Variants in SYTL2 observed in about 807,000 individuals in gnomAD.
The protein encoded by SYTL2 is synaptotagmin-like protein 2.
A neutral mutation model predicts 198.7 loss-of-function variants in SYTL2; 165 were observed. The observed-to-expected ratio is 0.83, with a 90% CI of 0.73 to 0.94. The LOEUF is 0.94. Among genes scored for constraint, SYTL2 ranks in the 40% least tolerant of loss-of-function variants. The pLI is 0.00. For synonymous variants in SYTL2, 966 were observed against 917.7 expected (o/e 1.05, Z -0.95); for missense variants, 2,835 against 2,582.8 (o/e 1.10, Z -2.12).
At chr11:85,814,426 C>G (rs1403078659), upstream of SYTL2, among the ~76,000 whole-genome samples, 2 of 152,196 alleles carry the variant, frequency 1.3e-5, no homozygotes, top group Non-Finnish European at 2.9e-5. Context: ...TCTGTGAAAA[C>G]TAACTGGGAC....
At position 85,737,596 on chromosome 11, in the gene SYTL2, T is replaced by A. The variant is rs1302855297; in HGVS notation, c.450A>T (p.Lys150Asn). ...CTACCTTCTCTGGAGACACATTTGG[T>A]TTCCTTGTGTTTTCCTGGGACATAT... ...VIDMSQENTR[K>N]PNVSPEKQRK... Residue 150 changes from lysine to asparagine, a missense_variant, in exon 5 of 20, where the codon AAA becomes AAT. Coordinates refer to ENST00000359152, the MANE Select transcript of SYTL2 (RefSeq NM_206927.4). 3.1e-6 allele frequency: 5 copies of A among 1,613,914 alleles called. No individual in the cohort carries two copies. The South Asian group carries it at 3.3e-5, about 11-fold the overall frequency.
the SYTL2 span, among the ~76,000 whole-genome samples, chr11:85,851,925 G>A: frequency 6.6e-6 from 1 of 152,340 alleles, no homozygotes; most frequent in South Asian, 2.1e-4. Context: ...CAGGTTAACA[G>A]AAGAACATTT....
chr11:85,779,073 T>A (rs2092511725), intron 1 of SYTL2, among the ~76,000 whole-genome samples: 1 of 152,078 alleles, frequency 6.6e-6, no homozygotes, highest in African/African-American at 2.4e-5. Context: ...TATACATCTA[T>A]ATACATAAAA....
At chr11:85,773,334 A>C (rs2092393502) in intron 1 of SYTL2, among the ~76,000 whole-genome samples, 1 of 152,206 alleles carries the variant, frequency 6.6e-6, no homozygotes, top group African/African-American at 2.4e-5. Flanking sequence ...AGTACCTTGA[A>C]GTTAGTTCTT....
intron 1 of SYTL2, among the ~76,000 whole-genome samples, chr11:85,763,068 C>T (rs1461198295): frequency 6.6e-6 from 1 of 152,200 alleles, no homozygotes; most frequent in Non-Finnish European, 1.5e-5. Context: ...CAATGGGTTC[C>T]AGCTCCAGAT....
chr11:85,719,338 T>C (rs551897434), intron 9 of SYTL2: 11 of 1,151,184 alleles, frequency 9.6e-6, no homozygotes, highest in South Asian at 3.7e-5. Flanking sequence ...GGCAGGCTAG[T>C]GTGAGAGTGG....
intron 1 of SYTL2, among the ~76,000 whole-genome samples, chr11:85,805,624 T>C (rs563404483): frequency 2.0e-5 from 3 of 152,278 alleles, no homozygotes; most frequent in African/African-American, 7.2e-5. Context: ...CCGGGAGGGA[T>C]GGCAGCACAA....
chr11:85,698,441 C>G (rs1182605785), intron 17 of SYTL2, among the ~76,000 whole-genome samples: 1 of 152,126 alleles, frequency 6.6e-6, no homozygotes, highest in Admixed American at 6.5e-5. Flanking sequence ...AACATTAATA[C>G]CAGTATCAGT....
At chr11:85,795,872 C>G (rs2092796913) in intron 1 of SYTL2, among the ~76,000 whole-genome samples, 1 of 151,952 alleles carries the variant, frequency 6.6e-6, no homozygotes, top group Non-Finnish European at 1.5e-5. Flanking sequence ...GCTGGGAAGG[C>G]TGCCACTCTG....
In SYTL2 at chr11:85,709,377, A is replaced by G. The variant is rs143868501; in HGVS notation, c.5869T>C (p.Cys1957Arg). The G allele has an allele frequency of 5.3e-5, 86 of 1,613,960 alleles. No individual in the cohort carries two copies. Among genetic ancestry groups the G allele is most frequent in the Non-Finnish European group, 5.9e-6 (7 of 1,180,036 alleles). ...LKELHVFVAQ[C>R]KDLAAADVKK... ...ACATCCGCTGCTGCTAAGTCCTTAC[A>G]CTGGGCCACAAAAACATGCAACTCC... Residue 1957 changes from cysteine (C) to arginine (R), a missense_variant, in exon 14 of 20, where the codon TGT becomes CGT. Coordinates refer to ENST00000359152, the MANE Select transcript of SYTL2 (RefSeq NM_206927.4).
chr11:85,836,067 T>C, the SYTL2 span, among the ~76,000 whole-genome samples: 1 of 152,148 alleles, frequency 6.6e-6, no homozygotes, highest in African/African-American at 2.4e-5. Context: ...GGTAGCTGCA[T>C]AGCATCAAGA....
the SYTL2 span, among the ~76,000 whole-genome samples, chr11:85,833,102 G>GGAA: frequency 7.1e-5 from 2 of 28,240 alleles, no homozygotes; most frequent in African/African-American, 1.2e-4. Flanking sequence ...AAAGAAAGAA[G>GGAA]GAAGGAAGGA....
chr11:85,712,072 G>A (rs956474132), intron 12 of SYTL2, among the ~76,000 whole-genome samples: 6 of 152,160 alleles, frequency 3.9e-5, no homozygotes, highest in African/African-American at 1.2e-4. Flanking sequence ...AGAGCTTATG[G>A]AACAGTTCAG....
chr11:85,700,933 T>C (rs2084194364), intron 16 of SYTL2, among the ~76,000 whole-genome samples: 1 of 152,204 alleles, frequency 6.6e-6, no homozygotes, highest in Non-Finnish European at 1.5e-5. Context: ...TTGTTAGCTA[T>C]TCAGCCAGCA....
intron 2 of SYTL2, among the ~76,000 whole-genome samples, chr11:85,750,837 C>G (rs1039577221): frequency 6.6e-6 from 1 of 151,926 alleles, no homozygotes; most frequent in African/African-American, 2.4e-5. Context: ...CTCATCAGAA[C>G]AGGAAAAAAC....
chr11:85,750,980 C>G (rs1456758406), intron 2 of SYTL2, among the ~76,000 whole-genome samples: 1 of 152,226 alleles, frequency 6.6e-6, no homozygotes, highest in Admixed American at 6.5e-5. Context: ...TGTGGGGATT[C>G]TTGTGCAACC....
chr11:85,770,192 G>C (rs2092327567), intron 1 of SYTL2, among the ~76,000 whole-genome samples: 2 of 152,098 alleles, frequency 1.3e-5, no homozygotes, highest in African/African-American at 4.8e-5. Flanking sequence ...CATGCTGCCT[G>C]GAACCTGTTA....
chr11:85,718,885 T>C (rs1191286314), intron 9 of SYTL2, 42 bp from the exon 10 acceptor site: 3 of 1,606,674 alleles, frequency 1.9e-6, no homozygotes, highest in South Asian at 1.1e-5. Context: ...TGGCTGACCC[T>C]TGGAGAGAAA....
chr11:85,754,845 T>C lies in SYTL2; in HGVS notation c.101+2780A>G, dbSNP rs2091762136. On this transcript the variant is annotated intron_variant, in intron 2 of 19. Transcript: ENST00000359152. The stretch of plus-strand genomic sequence containing the variant: ...GTTTTTTGTGTCATGATCAAACCCT[T>C]ACTGTTCCTTTCTGAAAGAATAACA... Among the ~76,000 whole-genome samples the C allele has an allele frequency of 2.0e-5, 3 of 152,114 alleles. No homozygotes were observed. The South Asian group carries it at 6.2e-4, about 32-fold the overall frequency.
Sources: gnomAD v4.1 joint callset for allele counts (sites outside exome capture counted in the v4.1 genomes callset) on GRCh38, gnomAD v4.1.1 for gene constraint, MANE v1.5 for transcripts, NCBI Gene and HGNC (gene_info 2026-07-23, HGNC 2026-07-21) for gene names.